AMDHD1: variants seen among roughly 807,000 people sequenced by gnomAD.
AMDHD1 encodes amidohydrolase domain containing 1.
A neutral mutation model predicts 44.1 loss-of-function variants in AMDHD1; 45 were observed. The ratio of observed to expected loss-of-function variants is 1.02; its 90% CI spans 0.80 to 1.31. The LOEUF (loss-of-function observed/expected upper bound fraction) is 1.31. AMDHD1 is among the 50% of genes most tolerant of loss of function. AMDHD1 has a pLI of 0.00. For synonymous variants in AMDHD1, 206 were observed against 205.0 expected, an observed-to-expected ratio of 1.00 and a Z score of -0.04; for missense variants, 586 against 552.1, an observed-to-expected ratio of 1.06 and a Z score of -0.61.
chr12:95,949,940 A>T (rs180804107), intron 1 of AMDHD1, among the ~76,000 whole-genome samples: 215 of 152,342 alleles, frequency 1.4e-3, no homozygotes, highest in East Asian at 1.2e-3. Context: ...TGAAAGGTAG[A>T]TAAGCATGGG....
intron 1 of AMDHD1, among the ~76,000 whole-genome samples, chr12:95,948,229 C>T (rs1482459680): frequency 6.1e-5 from 8 of 131,714 alleles, no homozygotes; most frequent in East Asian, 3.1e-4. Context: ...GTCAGCCCCC[C>T]GCCCGGCCAG....
chr12:95,965,582 C>A, intron 6 of AMDHD1, 104 bp from the exon 7 acceptor site: 1 of 623,782 alleles, frequency 1.6e-6, no homozygotes. Flanking sequence ...CTTCTTCTTC[C>A]AGAATATGAA....
intron 5 of AMDHD1, among the ~76,000 whole-genome samples, chr12:95,961,883 A>G (rs117157837): frequency 0.011 from 1,647 of 152,350 alleles, 17 homozygotes; most frequent in Middle Eastern, 0.02. Flanking sequence ...ATGAGTGCCC[A>G]TTACAAACCC....
rs559531532 is a variant in AMDHD1, at chr12:95,943,533, C to T, written c.135C>T (p.Gly45=). The T allele has an allele frequency of 4.1e-6, 6 of 1,458,616 alleles. No individual in the cohort carries two copies. In the African/African-American group the frequency reaches 8.9e-5, roughly 22 times the overall value. 90.4% of individuals were successfully genotyped at this position (1,458,616 alleles called of 1,614,324 possible). The change falls in exon 1 of 9, where the codon GGC becomes GGT. Residue 45 remains glycine, a splice_region_variant and synonymous_variant. Transcript: ENST00000266736. ...TGGAAGGCGCCAGCCTGGTGGTGGG[C>T]AAGTAAGTGGCCGGGCGCGCAGGGT... The part of the protein sequence containing the change: ...AVLEGASLVV[G]KDGFIKAIGP...
intron 1 of AMDHD1, among the ~76,000 whole-genome samples, chr12:95,945,783 GT>G (rs11313816): frequency 0.44 from 65,540 of 149,780 alleles, 15,979 homozygotes; most frequent in African/African-American, 0.65. Context: ...AACAGTGTGT[GT>G]TTTTTTTTTT....
In AMDHD1 at chr12:95,966,400, C is replaced by A; in HGVS notation, c.1085C>A (p.Ala362Asp). The change falls in exon 8 of 9, where the codon GCC becomes GAC. Residue 362 changes from alanine (A) to aspartate (D), a missense_variant. By Grantham distance (126) the Ala-to-Asp change is moderately radical. Coordinates refer to ENST00000266736, the MANE Select transcript of AMDHD1 (RefSeq NM_152435.3). ...AACATGAGAATGTCCATGCCTGAGG[C>A]CTTGGCCGCTGCCACCATCAATGCA... ...CVNMRMSMPEALAAATINAAY... is the reference protein window; with the variant it reads ...CVNMRMSMPEDLAAATINAAY... 1 of 1,614,236 alleles carries A rather than the reference C, an allele frequency of 6.2e-7. No individual in the cohort carries two copies. Among genetic ancestry groups the A allele is most frequent in the Non-Finnish European group, 8.5e-7 (1 of 1,180,042 alleles).
At chr12:95,962,902 G>C (rs573501115) in intron 6 of AMDHD1, among the ~76,000 whole-genome samples, 5 of 152,306 alleles carry the variant, frequency 3.3e-5, no homozygotes, top group African/African-American at 1.2e-4. Context: ...AGGGATGTTA[G>C]TGGGTACCAT....
In AMDHD1 at chr12:95,960,486, G is replaced by T; in HGVS notation, c.676G>T (p.Val226Leu). 1 of 1,614,208 alleles carries T rather than the reference G, an allele frequency of 6.2e-7. No individual in the cohort carries two copies. The highest frequency in any genetic ancestry group is 1.3e-5 in the African/African-American group (1 of 75,054). ...ACTTGGCAGAAATGGGGAAATACAC[G>T]TGGACAATATAGACGTATTTTGTGA... ...KELGRNGEIHVDNIDVFCEKG... is the reference protein window; with the variant it reads ...KELGRNGEIHLDNIDVFCEKG... The change falls in exon 5 of 9, where the codon GTG (valine) becomes TTG (leucine). Residue 226 changes from valine to leucine, a missense_variant. By Grantham distance (32) the Val-to-Leu change is conservative. Coordinates refer to ENST00000266736, the MANE Select transcript of AMDHD1 (RefSeq NM_152435.3).
At chr12:95,967,719 T>C (rs762426107) in intron 8 of AMDHD1, 37 bp from the exon 9 acceptor site, 4 of 1,442,478 alleles carry the variant, frequency 2.8e-6, no homozygotes, top group East Asian at 2.4e-5. Context: ...CTTGCACACA[T>C]TGAAGTAATA....
chr12:95,956,823 A>G lies in AMDHD1; in HGVS notation c.448A>G (p.Thr150Ala), dbSNP rs1167946495. ...QRLQCMMRAGTTLVECKSGYG... is the reference protein window; with the variant it reads ...QRLQCMMRAGATLVECKSGYG... Reference sequence around the variant, plus strand: ...GCTCCAGTGCATGATGAGGGCTGGCACCACGCTGGTGGAGTGCAAGAGTGG... The same window carrying G: ...GCTCCAGTGCATGATGAGGGCTGGCGCCACGCTGGTGGAGTGCAAGAGTGG... The change falls in exon 4 of 9, where the codon ACC becomes GCC. Residue 150 changes from threonine to alanine, a missense_variant. Physicochemically the swap from Thr to Ala is moderately conservative, Grantham distance 58. Transcript: ENST00000266736. 4 of 1,614,180 alleles carry G rather than the reference A, an allele frequency of 2.5e-6. No homozygotes were observed. The highest frequency in any genetic ancestry group is 3.4e-6 in the Non-Finnish European group (4 of 1,180,030).
chr12:95,948,266 G>T (rs1285182142), intron 1 of AMDHD1, among the ~76,000 whole-genome samples: 2 of 127,684 alleles, frequency 1.6e-5, no homozygotes, highest in Non-Finnish European at 3.3e-5. Context: ...GGAGGTGGGG[G>T]TGTCAGCCCC....
chr12:95,967,742 T>G lies in AMDHD1; in HGVS notation c.1194-14T>G, dbSNP rs756426824. 1 of 1,541,166 alleles carries G rather than the reference T, an allele frequency of 6.5e-7. No homozygotes were observed. The highest frequency in any genetic ancestry group is 2.2e-5 in the Admixed American group (1 of 45,210). On this transcript the variant is annotated splice_polypyrimidine_tract_variant and intron_variant, in intron 8 of 8. Transcript: ENST00000266736. ...CATTGAAGTAATATTTGTTGTTTTTTTTTTTTTTTCTAGATGGGAGCATTT... is the reference window on the plus strand; with the variant it reads ...CATTGAAGTAATATTTGTTGTTTTTGTTTTTTTTTCTAGATGGGAGCATTT...
In AMDHD1 at chr12:95,962,895, G is replaced by T. The variant is rs146170021; in HGVS notation, c.938+416G>T. Reference sequence around the variant, plus strand: ...ATCTGCATGAGCTGTTTTCTAAAGGGATGTTAGTGGGTACCATAATTGCCA... The same window carrying T: ...ATCTGCATGAGCTGTTTTCTAAAGGTATGTTAGTGGGTACCATAATTGCCA... On this transcript the variant is annotated intron_variant, in intron 6 of 8. Transcript: ENST00000266736. Among the ~76,000 whole-genome samples, 20 of 152,276 alleles carry T rather than the reference G, an allele frequency of 1.3e-4. No homozygotes were observed. The East Asian group carries it at 3.9e-3, about 29-fold the overall frequency.
At chr12:95,957,614 G>T (rs1169528856) in intron 4 of AMDHD1, among the ~76,000 whole-genome samples, 1 of 152,040 alleles carries the variant, frequency 6.6e-6, no homozygotes, top group African/African-American at 2.4e-5. Flanking sequence ...ACATGCATAA[G>T]GTGCCTCCAA....
At chr12:95,952,872 C>T in intron 2 of AMDHD1, 49 bp downstream of exon 2, 1 of 1,105,746 alleles carries the variant, frequency 9.0e-7, no homozygotes, top group Middle Eastern at 2.0e-4. Flanking sequence ...TTAACAGTTG[C>T]TCCTGAAATG....
At chr12:95,944,884 A>T (rs897101380) in intron 1 of AMDHD1, among the ~76,000 whole-genome samples, 1 of 152,184 alleles carries the variant, frequency 6.6e-6, no homozygotes, top group Non-Finnish European at 1.5e-5. Flanking sequence ...CTGCAATCCC[A>T]GCACTTTGGG....
intron 1 of AMDHD1, among the ~76,000 whole-genome samples, chr12:95,952,095 C>A (rs2080528036): frequency 6.6e-6 from 1 of 151,990 alleles, no homozygotes; most frequent in African/African-American, 2.4e-5. Context: ...TGAAGTGATC[C>A]CATTTGTCCA....
intron 1 of AMDHD1, among the ~76,000 whole-genome samples, chr12:95,944,327 T>TTTTA (rs34358106): frequency 0.36 from 51,206 of 141,424 alleles, 10,197 homozygotes; most frequent in African/African-American, 0.5. Context: ...GTTGGTTTAA[T>TTTTA]TTTATTTATT....
chr12:95,953,911 AAGTC>A (rs1490112057), intron 2 of AMDHD1, among the ~76,000 whole-genome samples: 2 of 152,102 alleles, frequency 1.3e-5, no homozygotes, highest in African/African-American at 4.8e-5. Context: ...TCAGGAGACA[AAGTC>A]AGGGTGAAAT....
Sources: gnomAD v4.1 joint callset for allele counts (sites outside exome capture counted in the v4.1 genomes callset) on GRCh38, gnomAD v4.1.1 for gene constraint, MANE v1.5 for transcripts, NCBI Gene and HGNC (gene_info 2026-07-23, HGNC 2026-07-21) for gene names.